Variants in TMED2 observed in about 807,000 individuals in gnomAD.
TMED2 encodes transmembrane p24 trafficking protein 2.
TMED2 carries 3 observed loss-of-function variants against 17.5 expected under a neutral mutation model. The ratio of observed to expected loss-of-function variants is 0.17; its 90% CI spans 0.08 to 0.44. The LOEUF (loss-of-function observed/expected upper bound fraction) is 0.44. TMED2 is among the 20% of genes least tolerant of loss of function. The pLI, the probability that TMED2 is intolerant of heterozygous loss-of-function variation, is 0.99. For synonymous variants in TMED2, 95 were observed against 91.0 expected, an observed-to-expected ratio of 1.04 and a Z score of -0.25; for missense variants, 149 against 254.8, an observed-to-expected ratio of 0.58 and a Z score of 2.83.
intron 3 of TMED2, among the ~76,000 whole-genome samples, chr12:123,590,827 T>TA (rs1424030067): frequency 6.6e-6 from 1 of 151,644 alleles, no homozygotes; most frequent in Non-Finnish European, 1.5e-5. Flanking sequence ...CTACAAAAAA[T>TA]AAAAAAATTA....
intron 3 of TMED2, among the ~76,000 whole-genome samples, chr12:123,592,533 T>C (rs1359509784): frequency 6.6e-6 from 1 of 152,246 alleles, no homozygotes; most frequent in African/African-American, 2.4e-5. Context: ...TAGTGAGCTA[T>C]GTGTTCATAT....
Position 123,598,020 on chromosome 12 carries a change from T to C in TMED2, c.*1291T>C, listed in dbSNP as rs1270522220. On this transcript the variant is annotated 3_prime_UTR_variant, in exon 4 of 4. Transcript: ENST00000262225. ...GGTGACTTTCACCTTAGGACAACTG[T>C]TGCATGCCAAGTTTTTTGTGTGTGT... The C allele has an allele frequency of 6.6e-6, 1 of 152,604 alleles. No homozygotes were observed. The highest frequency in any genetic ancestry group is 1.5e-5 in the Non-Finnish European group (1 of 68,026). 9.5% of individuals were successfully genotyped at this position (152,604 alleles called of 1,614,324 possible). A position where few individuals can be genotyped will look rare whatever the true frequency, so the allele number is the denominator to read the frequency against.
chr12:123,586,597 GC>G lies in TMED2; in HGVS notation c.181-148del, dbSNP rs1953347798. 7.8e-6 allele frequency: 5 copies of G among 641,652 alleles called. No individual in the cohort carries two copies. In the East Asian group the frequency reaches 1.7e-4, roughly 21 times the overall value. The allele number at this position is 641,652 out of a possible 1,614,324, so 39.7% of individuals were successfully genotyped here. ...ACTCCTGACCTCAAGTGATCTGCCT[GC>G]CTTGGCCTCCCAAAGTGCTGTGATT... is the stretch of plus-strand genomic sequence containing the variant. On this transcript the variant is annotated intron_variant, in intron 1 of 3. Transcript: ENST00000262225.
At chr12:123,587,753 A>G in intron 2 of TMED2, 1 of 758,888 alleles carries the variant, frequency 1.3e-6, no homozygotes, top group Non-Finnish European at 1.8e-6. Context: ...CTCTTAAAAA[A>G]CCCCTACAAC....
chr12:123,588,308 G>A (rs1348278443), intron 2 of TMED2, among the ~76,000 whole-genome samples: 1 of 151,984 alleles, frequency 6.6e-6, no homozygotes. Flanking sequence ...TTCAGTATCA[G>A]TAGAGTGTTA....
In TMED2 at chr12:123,598,028, C is replaced by T. The variant is rs920437956; in HGVS notation, c.*1299C>T. ...TCACCTTAGGACAACTGTTGCATGC[C>T]AAGTTTTTTGTGTGTGTGAAACACT... On this transcript the variant is annotated 3_prime_UTR_variant, in exon 4 of 4. Coordinates refer to ENST00000262225, the MANE Select transcript of TMED2 (RefSeq NM_006815.4). The T allele has an allele frequency of 6.6e-6, 1 of 152,202 alleles. No homozygotes were observed. The highest frequency in any genetic ancestry group is 1.5e-5 in the Non-Finnish European group (1 of 67,986). The allele number at this position is 152,202 out of a possible 1,614,324, so 9.4% of individuals were successfully genotyped here. A position where few individuals can be genotyped will look rare whatever the true frequency, so the allele number is the denominator to read the frequency against.
At position 123,584,588 on chromosome 12, in the gene TMED2, C is replaced by CTGT. The variant is rs948160697; in HGVS notation, c.-49_-48insTGT. On this transcript the variant is annotated 5_prime_UTR_variant, in exon 1 of 4. Transcript: ENST00000262225. ...GGGGCGGCGGCGGCGGCGGCGGCGG[C>CTGT]GGCTGTGGAGGCCGCAGTCCGGGTC... The CTGT allele has an allele frequency of 1.9e-6, 3 of 1,573,388 alleles. No homozygotes were observed. Among genetic ancestry groups the CTGT allele is most frequent in the East Asian group, 4.6e-5 (2 of 43,598 alleles).
At chr12:123,585,596 T>A (rs190586124) in intron 1 of TMED2, 1 of 152,238 alleles carries the variant, frequency 6.6e-6, no homozygotes, top group Non-Finnish European at 1.5e-5. Context: ...CATTTGACAG[T>A]GTACTCAGTA....
At chr12:123,587,524 C>A in intron 2 of TMED2, 1 of 1,047,662 alleles carries the variant, frequency 9.5e-7, no homozygotes, top group Non-Finnish European at 1.2e-6. Context: ...CTGGCATATA[C>A]TTTATTTGCT....
At position 123,584,582 on chromosome 12, in the gene TMED2, C is replaced by CGGT. The variant is rs1307265577; in HGVS notation, c.-53_-52insTGG. Reference sequence around the variant, plus strand: ...GGCAGCGGGGCGGCGGCGGCGGCGGCGGCGGCGGCTGTGGAGGCCGCAGTC... The same window carrying CGGT: ...GGCAGCGGGGCGGCGGCGGCGGCGGCGGTGGCGGCGGCTGTGGAGGCCGCAGTC... On this transcript the variant is annotated 5_prime_UTR_variant, in exon 1 of 4. Transcript: ENST00000262225. 6.4e-7 allele frequency: 1 copy of CGGT among 1,561,628 alleles called. No homozygotes were observed. Among genetic ancestry groups the CGGT allele is most frequent in the Non-Finnish European group, 8.6e-7 (1 of 1,157,666 alleles).
intron 3 of TMED2, among the ~76,000 whole-genome samples, chr12:123,594,494 G>A (rs980284002): frequency 6.6e-6 from 1 of 152,124 alleles, no homozygotes; most frequent in African/African-American, 2.4e-5. Flanking sequence ...ACAATGGCTT[G>A]TGCCTGTAGT....
Position 123,596,742 on chromosome 12 carries a change from T to G in TMED2, c.*13T>G. 6.3e-7 allele frequency: 1 copy of G among 1,595,270 alleles called. No homozygotes were observed. The highest frequency in any genetic ancestry group is 8.5e-7 in the Non-Finnish European group (1 of 1,173,068). On this transcript the variant is annotated 3_prime_UTR_variant, in exon 4 of 4. Transcript: ENST00000262225. ...GAGAGTTGTTTAAAAAGCCTCTTCC[T>G]GATGATCCCAACTCAGAATTCACTG...
At chr12:123,588,884 A>G (rs192754710) in intron 2 of TMED2, among the ~76,000 whole-genome samples, 4 of 152,296 alleles carry the variant, frequency 2.6e-5, no homozygotes, top group Admixed American at 1.3e-4. Context: ...TGGGGCTTCC[A>G]AAGGGAAATT....
chr12:123,589,218 T>G (rs539298990), intron 2 of TMED2, among the ~76,000 whole-genome samples: 159 of 152,354 alleles, frequency 1.0e-3, no homozygotes, highest in South Asian at 4.6e-3. Flanking sequence ...CTACTTACAT[T>G]GCCTGCTGTT....
rs1486687188 is a variant in TMED2 at position 123,597,419 on chromosome 12, G to A, written c.*690G>A. The A allele has an allele frequency of 6.6e-6, 1 of 152,226 alleles. No homozygotes were observed. The highest frequency in any genetic ancestry group is 1.5e-5 in the Non-Finnish European group (1 of 68,038). 9.4% of individuals were successfully genotyped at this position (152,226 alleles called of 1,614,324 possible). A position where few individuals can be genotyped will look rare whatever the true frequency, so the allele number is the denominator to read the frequency against. ...TTTCTGCCTAACCCCCTAATTGTCT[G>A]TTAAAGCCAATTCTCTGGGTGTCCC... On this transcript the variant is annotated 3_prime_UTR_variant, in exon 4 of 4. Coordinates refer to ENST00000262225, the MANE Select transcript of TMED2 (RefSeq NM_006815.4).
chr12:123,596,039 A>G (rs1953428130), intron 3 of TMED2, among the ~76,000 whole-genome samples: 1 of 152,190 alleles, frequency 6.6e-6, no homozygotes, highest in Non-Finnish European at 1.5e-5. Flanking sequence ...GCTTTGGAGT[A>G]TGTTGAGTTG....
At chr12:123,593,910 C>T (rs1174996925) in intron 3 of TMED2, among the ~76,000 whole-genome samples, 1 of 152,100 alleles carries the variant, frequency 6.6e-6, no homozygotes, top group Non-Finnish European at 1.5e-5. Flanking sequence ...ATCCTCCCGC[C>T]TCAACCTCCC....
At chr12:123,594,664 G>C (rs1953417728) in intron 3 of TMED2, among the ~76,000 whole-genome samples, 1 of 150,890 alleles carries the variant, frequency 6.6e-6, no homozygotes, top group African/African-American at 2.4e-5. Context: ...GAGGTGGGTG[G>C]ATCACCTGAG....
At chr12:123,588,531 T>C (rs1480560245) in intron 2 of TMED2, among the ~76,000 whole-genome samples, 1 of 152,224 alleles carries the variant, frequency 6.6e-6, no homozygotes, top group East Asian at 1.9e-4. Flanking sequence ...TGTTGGTTGA[T>C]GAATGTGAAT....
Sources: gnomAD v4.1 joint callset for allele counts (sites outside exome capture counted in the v4.1 genomes callset) on GRCh38, gnomAD v4.1.1 for gene constraint, MANE v1.5 for transcripts, NCBI Gene and HGNC (gene_info 2026-07-23, HGNC 2026-07-21) for gene names.